Variants in CFAP61 observed in about 807,000 individuals in gnomAD.
CFAP61 encodes the protein cilia and flagella associated protein 61.
CFAP61 carries 107 observed loss-of-function variants against 135.6 expected under a neutral mutation model. The observed-to-expected ratio is 0.79, with a 90% CI of 0.67 to 0.93. The LOEUF is 0.93. Among genes scored for constraint, CFAP61 ranks in the 40% least tolerant of loss-of-function variants. The pLI, the probability that CFAP61 is intolerant of heterozygous loss-of-function variation, is 0.00. For missense variants in CFAP61, 1,507 were observed against 1,556.2 expected (o/e 0.97, Z 0.53); for synonymous variants, 575 against 578.5 (o/e 0.99, Z 0.09).
At chr20:20,085,919 TG>T (rs2046767888) in intron 6 of CFAP61, among the ~76,000 whole-genome samples, 1 of 152,220 alleles carries the variant, frequency 6.6e-6, no homozygotes. Context: ...TTATTAGCAA[TG>T]CCCTTTTGGC....
chr20:20,296,426 C>T (rs967508716), intron 24 of CFAP61, among the ~76,000 whole-genome samples: 3 of 127,432 alleles, frequency 2.4e-5, no homozygotes, highest in Non-Finnish European at 5.1e-5. Context: ...TTTCTTTCTT[C>T]CTCCCTCCCT....
At chr20:20,321,815 A>G (rs2057532673) in intron 25 of CFAP61, among the ~76,000 whole-genome samples, 1 of 152,194 alleles carries the variant, frequency 6.6e-6, no homozygotes, top group Non-Finnish European at 1.5e-5. Flanking sequence ...CCTCCCAGAA[A>G]GAGTGTAAGG....
chr20:20,182,303 G>A (rs2146853940), intron 13 of CFAP61, among the ~76,000 whole-genome samples: 1 of 152,196 alleles, frequency 6.6e-6, no homozygotes, highest in Non-Finnish European at 1.5e-5. Flanking sequence ...AGTGTTTTTT[G>A]TTGAGAATAA....
intron 18 of CFAP61, among the ~76,000 whole-genome samples, chr20:20,232,011 G>A (rs985918020): frequency 1.3e-5 from 2 of 152,028 alleles, no homozygotes; most frequent in Admixed American, 6.5e-5. Flanking sequence ...TTTCCTTCTC[G>A]GTGCTTCCAT....
intron 1 of CFAP61, 160 bp downstream of exon 1, chr20:20,052,751 T>C (rs1416968670): frequency 1.3e-6 from 2 of 1,567,102 alleles, no homozygotes; most frequent in East Asian, 4.6e-5. Flanking sequence ...GGAGCTCCAA[T>C]CTGGATGCTC....
rs748147610 is a variant in CFAP61 at position 20,052,552 on chromosome 20, G to A, written c.-76G>A. 3 of 1,614,018 alleles carry A rather than the reference G, an allele frequency of 1.9e-6. No individual in the cohort carries two copies. In the African/African-American group the frequency reaches 4.0e-5, roughly 22 times the overall value. ...TGACCAGGCTGCGCGTCCTCCTTGC[G>A]GCAGCGCGTGGAGTGCGGCGTCCTG... On this transcript the variant is annotated 5_prime_UTR_variant, in exon 1 of 27. Transcript: ENST00000245957.
chr20:20,223,729 T>A (rs1601489341), intron 17 of CFAP61, among the ~76,000 whole-genome samples: 1 of 152,184 alleles, frequency 6.6e-6, no homozygotes, highest in South Asian at 2.1e-4. Context: ...GACCAATTTT[T>A]TTCTATACAC....
intron 20 of CFAP61, among the ~76,000 whole-genome samples, chr20:20,256,894 C>T (rs1183894582): frequency 6.6e-6 from 1 of 152,218 alleles, no homozygotes; most frequent in African/African-American, 2.4e-5. Flanking sequence ...AGTCACCCAT[C>T]TCCCTTTTTG....
intron 1 of CFAP61, among the ~76,000 whole-genome samples, chr20:20,054,396 G>GAT (rs34409266): frequency 0.15 from 21,555 of 140,174 alleles, 1,895 homozygotes; most frequent in African/African-American, 0.27. Context: ...ATGAGCTAGG[G>GAT]ATATATATAT....
chr20:20,075,476 C>A lies in CFAP61; in HGVS notation c.440-13C>A. 7.4e-6 allele frequency: 12 copies of A among 1,613,490 alleles called. No individual in the cohort carries two copies. The highest frequency in any genetic ancestry group is 1.0e-5 in the Non-Finnish European group (12 of 1,179,494). ...GATAAATAAGGACATGTTTCTTTAT[C>A]TCTGTGATTTAGGCTCAACTCTCAT... On this transcript the variant is annotated splice_polypyrimidine_tract_variant and intron_variant, in intron 5 of 26. Transcript: ENST00000245957.
At chr20:20,072,091 CTTTTTTTTTTTTTTTTTTTTTTTTTTTTT>C (rs71198039) in intron 3 of CFAP61, among the ~76,000 whole-genome samples, 4 of 57,606 alleles carry the variant, frequency 6.9e-5, no homozygotes, top group African/African-American at 2.3e-4. Context: ...ATCTAGCAAT[CTTTTTTTTTTTTTTTTTTTTTTTTTTTTT>C]TTTTTTTTTT....
chr20:20,314,159 G>A (rs902675427), intron 25 of CFAP61, among the ~76,000 whole-genome samples: 1 of 148,334 alleles, frequency 6.7e-6, no homozygotes, highest in Non-Finnish European at 1.5e-5. Flanking sequence ...TCAGCAGGGA[G>A]GATCACTTGA....
At chr20:20,282,150 C>A (rs1353331114) in intron 22 of CFAP61, among the ~76,000 whole-genome samples, 1 of 151,904 alleles carries the variant, frequency 6.6e-6, no homozygotes, top group Admixed American at 6.6e-5. Context: ...TCTCTCTGAC[C>A]CTCTCTCTGT....
intron 18 of CFAP61, 115 bp from the exon 19 acceptor site, chr20:20,246,002 C>T: frequency 2.9e-6 from 2 of 678,092 alleles, no homozygotes; most frequent in South Asian, 1.9e-5. Flanking sequence ...ATTAGTAGCT[C>T]CAAAAGCAAT....
intron 17 of CFAP61, among the ~76,000 whole-genome samples, chr20:20,218,472 C>A (rs905872153): frequency 6.6e-6 from 1 of 152,160 alleles, no homozygotes; most frequent in African/African-American, 2.4e-5. Context: ...TTATCAGCAG[C>A]ATGAAAACAG....
At position 20,358,884 on chromosome 20, in the gene CFAP61, T is replaced by C. The variant is rs1261121118; in HGVS notation, c.3514-1326T>C. Among the ~76,000 whole-genome samples the C allele has an allele frequency of 3.3e-5, 5 of 152,320 alleles. No individual in the cohort carries two copies. In the East Asian group the frequency reaches 9.6e-4, roughly 29 times the overall value. On this transcript the variant is annotated intron_variant, in intron 26 of 26. Coordinates refer to ENST00000245957, the MANE Select transcript of CFAP61 (RefSeq NM_015585.4). ...CAAAATAGAAGGAATTATTGGAAGT[T>C]GAAATAAATGTACCATCAGAGTCCA...
intron 25 of CFAP61, among the ~76,000 whole-genome samples, chr20:20,338,205 G>A (rs775799135): frequency 6.6e-6 from 1 of 152,172 alleles, no homozygotes; most frequent in Non-Finnish European, 1.5e-5. Context: ...TGACGTTCGG[G>A]CAGGCATCTT....
chr20:20,176,009 A>C (rs949186076), intron 13 of CFAP61, among the ~76,000 whole-genome samples: 1 of 152,212 alleles, frequency 6.6e-6, no homozygotes, highest in African/African-American at 2.4e-5. Context: ...CAAATTTGCA[A>C]GAAAAAAACA....
At chr20:20,331,302 A>G (rs1052434379) in intron 25 of CFAP61, among the ~76,000 whole-genome samples, 2 of 152,170 alleles carry the variant, frequency 1.3e-5, no homozygotes, top group African/African-American at 2.4e-5. Flanking sequence ...GTGAGATATG[A>G]ACTAGGAATA....
Sources: gnomAD v4.1 joint callset for allele counts (sites outside exome capture counted in the v4.1 genomes callset) on GRCh38, gnomAD v4.1.1 for gene constraint, MANE v1.5 for transcripts, NCBI Gene and HGNC (gene_info 2026-07-23, HGNC 2026-07-21) for gene names.